Variants in GTF3C1 observed in about 807,000 individuals in gnomAD.
GTF3C1 encodes the protein general transcription factor IIIC subunit 1, also known as general transcription factor 3C polypeptide 1.
A neutral mutation model predicts 226.7 loss-of-function variants in GTF3C1; 57 were observed. The ratio of observed to expected loss-of-function variants is 0.25; its 90% confidence interval spans 0.20 to 0.31. The LOEUF (loss-of-function observed/expected upper bound fraction) is 0.31, where lower values mean the gene tolerates loss of function less well. Among genes scored for constraint, GTF3C1 ranks in the 10% least tolerant of loss-of-function variants. The probability of loss-of-function intolerance (pLI) is 1.00; values close to 1 mark genes in which losing one functional copy is unlikely to be tolerated. For missense variants in GTF3C1, 2,217 were observed against 2,776.1 expected (o/e 0.80, Z 4.53); for synonymous variants, 1,090 against 1,084.8 (o/e 1.00, Z -0.09).
Position 27,492,253 on chromosome 16 carries a change from C to T in GTF3C1, c.3151+85G>A, listed in dbSNP as rs547683608. 1.9e-3 allele frequency: 1,562 copies of T among 819,746 alleles called. 3 individuals are homozygous for T. Among genetic ancestry groups the T allele is most frequent in the Admixed American group, 3.5e-3 (161 of 45,544 alleles). 50.8% of individuals were successfully genotyped at this position (819,746 alleles called of 1,614,324 possible). A position where few individuals can be genotyped will look rare whatever the true frequency, so the allele number is the denominator to read the frequency against. On this transcript the variant is annotated intron_variant, in intron 19 of 36. Transcript: ENST00000356183. This position sits in a 1 kb window ranked among gnomAD's most constrained non-coding sequence, Gnocchi z 5.0. The stretch of plus-strand genomic sequence containing the variant: ...GAACATACCACTGGTTGAGGCAACT[C>T]CTAGGCTTTTCTAGCCCTAAATCCC...
rs185453956 is a variant in GTF3C1 at position 27,542,517 on chromosome 16, C to T, written c.431+2797G>A. On this transcript the variant is annotated intron_variant, in intron 2 of 36. Coordinates refer to ENST00000356183, the MANE Select transcript of GTF3C1 (RefSeq NM_001520.4). ...TGGAGGTTGCAGTGAGCCAAGATTG[C>T]GCCATTGGACTCCAGCCTGGGCGAC... Among the ~76,000 whole-genome samples the T allele has an allele frequency of 2.7e-3, 409 of 151,464 alleles. 1 individual carries two copies. Among genetic ancestry groups the T allele is most frequent in the Non-Finnish European group, 4.5e-3 (306 of 67,902 alleles).
chr16:27,510,217 C>T (rs941564740), intron 7 of GTF3C1, among the ~76,000 whole-genome samples: 20 of 152,236 alleles, frequency 1.3e-4, no homozygotes, highest in African/African-American at 4.8e-4. Context: ...AACCCCGTCT[C>T]TACTAAAAAT....
At chr16:27,513,227 G>C (rs1239690274) in intron 6 of GTF3C1, among the ~76,000 whole-genome samples, 1 of 152,144 alleles carries the variant, frequency 6.6e-6, no homozygotes, top group Non-Finnish European at 1.5e-5. Flanking sequence ...CCAAAGCGGG[G>C]AGGATCACTT....
chr16:27,484,414 A>T, intron 24 of GTF3C1, 61 bp from the exon 25 acceptor site: 1 of 1,229,248 alleles, frequency 8.1e-7, no homozygotes, highest in Non-Finnish European at 1.2e-6. Flanking sequence ...ATCATGGGGA[A>T]TTACCATAAA....
Position 27,549,857 on chromosome 16 carries a change from C to A in GTF3C1, c.34G>T (p.Ala12Ser). 3 of 1,612,928 alleles carry A rather than the reference C, an allele frequency of 1.9e-6. No homozygotes were observed. Among genetic ancestry groups the A allele is most frequent in the Non-Finnish European group, 8.5e-7 (1 of 1,179,682 alleles). ...DALESLLDEVALEGLDGLCLP... is the reference protein window; with the variant it reads ...DALESLLDEVSLEGLDGLCLP... ...CACAGGCCATCGAGCCCCTCCAGAG[C>A]GACTTCGTCCAACAACGACTCCAGC... Residue 12 changes from alanine (A) to serine (S), a missense_variant, in exon 1 of 37, where the codon GCT becomes TCT. Transcript: ENST00000356183.
intron 4 of GTF3C1, among the ~76,000 whole-genome samples, chr16:27,534,437 C>A (rs1168945263): frequency 1.3e-5 from 2 of 152,180 alleles, no homozygotes; most frequent in African/African-American, 4.8e-5. Context: ...AGAGACTACA[C>A]CCACTTCCCC....
intron 11 of GTF3C1, among the ~76,000 whole-genome samples, chr16:27,501,567 C>G (rs931740604): frequency 2.6e-5 from 4 of 152,220 alleles, no homozygotes; most frequent in African/African-American, 9.6e-5. Context: ...AGCAGCTCCA[C>G]AGCTGAGCCT....
At chr16:27,510,258 C>T (rs974329799) in intron 7 of GTF3C1, among the ~76,000 whole-genome samples, 8 of 152,154 alleles carry the variant, frequency 5.3e-5, no homozygotes, top group Admixed American at 2.6e-4. Context: ...TGGTGATGGG[C>T]GCCTGTAGTC....
Position 27,533,337 on chromosome 16 carries a change from G to A in GTF3C1, c.803C>T (p.Thr268Ile). ...LMEKLSVMLS[T>I]RTNHIETLGK... ...CAGCGTCTCTATGTGGTTAGTCCGT[G>A]TGCTCAGCATGACCGAAAGCTTCTC... is the stretch of plus-strand genomic sequence containing the variant. Residue 268 changes from threonine to isoleucine, a missense_variant, in exon 5 of 37, where the codon ACA (threonine) becomes ATA (isoleucine). Around this residue, in one of 12 missense-constraint regions of GTF3C1, gnomAD observed 163 missense variants for 234.3 expected, o/e 0.70. Coordinates refer to ENST00000356183, the MANE Select transcript of GTF3C1 (RefSeq NM_001520.4). The A allele has an allele frequency of 1.9e-6, 3 of 1,609,046 alleles. No individual in the cohort carries two copies. Among genetic ancestry groups the A allele is most frequent in the Non-Finnish European group, 2.6e-6 (3 of 1,175,400 alleles).
chr16:27,474,686 T>C (rs1596617884), intron 29 of GTF3C1, among the ~76,000 whole-genome samples: 1 of 152,248 alleles, frequency 6.6e-6, no homozygotes, highest in African/African-American at 2.4e-5. Context: ...TTCTTTTCTC[T>C]GCAAGTTCAG....
chr16:27,537,354 A>G (rs1278797246), intron 4 of GTF3C1, among the ~76,000 whole-genome samples: 2 of 152,204 alleles, frequency 1.3e-5, no homozygotes, highest in Admixed American at 1.3e-4. Context: ...TTCACAAAAA[A>G]ACAGATAACA....
chr16:27,513,062 G>A (rs540131155), intron 6 of GTF3C1, among the ~76,000 whole-genome samples: 2 of 152,266 alleles, frequency 1.3e-5, no homozygotes, highest in South Asian at 4.2e-4. Flanking sequence ...TTAAATTAAG[G>A]CATTGTGGAT....
Position 27,501,183 on chromosome 16 carries a change from C to T in GTF3C1, c.2061+8G>A, listed in dbSNP as rs755467035. 2 of 1,609,034 alleles carry T rather than the reference C, an allele frequency of 1.2e-6. No individual in the cohort carries two copies. The highest frequency in any genetic ancestry group is 1.7e-6 in the Non-Finnish European group (2 of 1,175,820). On this transcript the variant is annotated splice_region_variant and intron_variant, in intron 12 of 36. Transcript: ENST00000356183. Reference sequence around the variant, plus strand: ...CTGGCTCTGGGCATCGGGGGAGGCCCTGGTTACCTTCTTCTTGATGCCATC... The same window carrying T: ...CTGGCTCTGGGCATCGGGGGAGGCCTTGGTTACCTTCTTCTTGATGCCATC...
intron 6 of GTF3C1, among the ~76,000 whole-genome samples, chr16:27,516,922 G>A (rs140783637): frequency 1.2e-3 from 186 of 152,274 alleles, no homozygotes; most frequent in African/African-American, 4.3e-3. Context: ...ATGGGTCACC[G>A]AGCTAAGCCT....
intron 11 of GTF3C1, 132 bp downstream of exon 11, chr16:27,502,727 C>T (rs1478616129): frequency 2.9e-5 from 27 of 915,446 alleles, no homozygotes; most frequent in Non-Finnish European, 3.6e-5. Flanking sequence ...CGCAAAGGAA[C>T]GAGATGAGAA....
At chr16:27,464,880 T>C (rs2087761572) in intron 33 of GTF3C1, 44 bp from the exon 34 acceptor site, 2 of 1,446,038 alleles carry the variant, frequency 1.4e-6, no homozygotes, top group Non-Finnish European at 1.8e-6. Context: ...GAGCTCGGGA[T>C]CCTCCACGCT....
rs1165281715 is a variant in GTF3C1 at position 27,494,907 on chromosome 16, C to T, written c.2634G>A (p.Val878=). The T allele has an allele frequency of 1.2e-6, 2 of 1,612,826 alleles. No individual in the cohort carries two copies. Among genetic ancestry groups the T allele is most frequent in the Admixed American group, 3.3e-5 (2 of 59,920 alleles). ...GCATCCACGAGGCATCGTCGACATA[C>T]ACTAGGAAAAAAACGCACGGTTACC... is the stretch of plus-strand genomic sequence containing the variant. ...EAEVELATET[V]YVDDASWMRY... is the part of the protein sequence containing the mutation. Residue 878 remains valine (V), a splice_region_variant and synonymous_variant, in exon 16 of 37, where the codon GTG becomes GTA. Transcript: ENST00000356183.
intron 7 of GTF3C1, among the ~76,000 whole-genome samples, chr16:27,510,779 C>G (rs1454205657): frequency 6.6e-6 from 1 of 152,164 alleles, no homozygotes; most frequent in Non-Finnish European, 1.5e-5. Flanking sequence ...ATGTCCCACA[C>G]AGAAGTTAGG....
chr16:27,493,246 C>G lies in GTF3C1; in HGVS notation c.2829G>C (p.Leu943=). The G allele has an allele frequency of 6.2e-7, 1 of 1,612,528 alleles. No individual in the cohort carries two copies. Among genetic ancestry groups the G allele is most frequent in the Non-Finnish European group, 8.5e-7 (1 of 1,178,546 alleles). The change falls in exon 17 of 37, where the codon CTG becomes CTC. Residue 943 remains leucine (L), a synonymous_variant. Coordinates refer to ENST00000356183, the MANE Select transcript of GTF3C1 (RefSeq NM_001520.4). ...GAATGGGCCTGGGGAGAAAGCGGAT[C>G]AGCGTGTGCTTCTTCAGCGGGTCGT... ...FLNDPLKKHT[L]IRFLPRPIRQ...
Sources: allele counts gnomAD v4.1 joint callset (sites outside exome capture counted in the v4.1 genomes callset), GRCh38; gene constraint gnomAD v4.1.1; regional missense constraint gnomAD v4.1.1; non-coding constraint Gnocchi (gnomAD v3.1); transcripts MANE v1.5; gene names NCBI Gene and HGNC (gene_info 2026-07-23, HGNC 2026-07-21).